C3orf22: variants seen among roughly 807,000 people sequenced by gnomAD.
C3orf22 encodes the protein chromosome 3 open reading frame 22.
In C3orf22, 7 loss-of-function variants were observed where a neutral mutation model predicts 10.8. The ratio of observed to expected loss-of-function variants is 0.65; its 90% CI spans 0.37 to 1.22. C3orf22 has a LOEUF of 1.22. Among genes scored for constraint, C3orf22 ranks in the 50% most tolerant of loss-of-function variants. C3orf22 has a pLI of 0.02. For synonymous variants in C3orf22, 79 were observed against 78.9 expected (o/e 1.00, Z 0.00); for missense variants, 173 against 177.0 (o/e 0.98, Z 0.13).
At chr3:126,546,566 C>T (rs532542399), downstream of C3orf22, among the ~76,000 whole-genome samples, 4 of 152,242 alleles carry the variant, frequency 2.6e-5, no homozygotes, top group East Asian at 1.9e-4. Context: ...TCTCCCTCCC[C>T]GCCTCTCCCT....
At chr3:126,549,683 A>T (rs1937135281), downstream of C3orf22, 2 of 1,525,942 alleles carry the variant, frequency 1.3e-6, no homozygotes, top group Non-Finnish European at 1.8e-6. Flanking sequence ...TGATCATTCC[A>T]GCTGGAAGTG....
At chr3:126,557,105 CACAGACACAT>C (rs1320083947) in intron 1 of C3orf22, among the ~76,000 whole-genome samples, 2 of 152,172 alleles carry the variant, frequency 1.3e-5, no homozygotes, top group Non-Finnish European at 1.5e-5. Flanking sequence ...CACACTCACA[CACAGACACAT>C]ACAGACACTC....
At chr3:126,547,471 G>A (rs1199385952), downstream of C3orf22, among the ~76,000 whole-genome samples, 7 of 152,166 alleles carry the variant, frequency 4.6e-5, no homozygotes, top group South Asian at 8.3e-4. Context: ...TCCTTTAAAC[G>A]CCCAGGAGAG....
intron 1 of C3orf22, among the ~76,000 whole-genome samples, chr3:126,554,247 TTTTG>T (rs1447296824): frequency 7.5e-6 from 1 of 133,850 alleles, no homozygotes; most frequent in African/African-American, 2.7e-5. Context: ...TTTTTGTTTG[TTTTG>T]TTTTTCTGTT....
At chr3:126,528,439 C>T (rs1030133625) in intron 5 of C3orf22, among the ~76,000 whole-genome samples, 2 of 152,064 alleles carry the variant, frequency 1.3e-5, no homozygotes, top group Non-Finnish European at 1.5e-5. Flanking sequence ...GAGCAGTGAA[C>T]CAGGAAGGGT....
intron 4 of C3orf22, among the ~76,000 whole-genome samples, chr3:126,538,233 C>T (rs1481280483): frequency 6.6e-6 from 1 of 152,262 alleles, no homozygotes; most frequent in Non-Finnish European, 1.5e-5. Flanking sequence ...GGTTCAGCAG[C>T]AGCCAGCTGC....
chr3:126,532,695 G>A (rs1056500876), intron 4 of C3orf22, among the ~76,000 whole-genome samples: 1 of 152,234 alleles, frequency 6.6e-6, no homozygotes, highest in African/African-American at 2.4e-5. Flanking sequence ...GTGGTATCAG[G>A]AAATGTGAAT....
At chr3:126,530,172 G>T (rs2101592) in intron 4 of C3orf22, among the ~76,000 whole-genome samples, 38,103 of 152,220 alleles carry the variant, frequency 0.25, 4,885 homozygotes, top group Admixed American at 0.29. Flanking sequence ...CAGGGCCCAG[G>T]CTCCTCGGGG....
chr3:126,539,763 C>A (rs1224847777), intron 4 of C3orf22, among the ~76,000 whole-genome samples: 5 of 106,272 alleles, frequency 4.7e-5, no homozygotes, highest in African/African-American at 1.6e-4. Flanking sequence ...CACTCCACAC[C>A]ACACACACAG....
At chr3:126,555,629 T>C (rs1275197340) in intron 1 of C3orf22, among the ~76,000 whole-genome samples, 1 of 152,092 alleles carries the variant, frequency 6.6e-6, no homozygotes, top group Non-Finnish European at 1.5e-5. Context: ...TGATCTGAGG[T>C]GGAACAGTTT....
intron 1 of C3orf22, among the ~76,000 whole-genome samples, chr3:126,557,160 A>G (rs1280855175): frequency 6.6e-6 from 1 of 151,070 alleles, no homozygotes; most frequent in Non-Finnish European, 1.5e-5. Context: ...CCTCATACAC[A>G]CCCCCACACA....
At chr3:126,556,221 C>T (rs1427534565) in intron 1 of C3orf22, among the ~76,000 whole-genome samples, 2 of 152,168 alleles carry the variant, frequency 1.3e-5, no homozygotes, top group South Asian at 2.1e-4. Flanking sequence ...TGACTCCCTC[C>T]GGCTGCAGAG....
intron 4 of C3orf22, among the ~76,000 whole-genome samples, chr3:126,540,938 A>T (rs765448260): frequency 2.0e-5 from 3 of 152,202 alleles, no homozygotes; most frequent in African/African-American, 4.8e-5. Flanking sequence ...ACTTTCTTTT[A>T]TGAACTCTTA....
At chr3:126,546,050 G>A (rs1042083691), downstream of C3orf22, among the ~76,000 whole-genome samples, 3 of 152,202 alleles carry the variant, frequency 2.0e-5, no homozygotes, top group African/African-American at 7.2e-5. Flanking sequence ...CCAGTGCAAT[G>A]CCATTGGCCT....
At chr3:126,534,927 G>A (rs1408978065) in intron 4 of C3orf22, among the ~76,000 whole-genome samples, 3 of 148,438 alleles carry the variant, frequency 2.0e-5, no homozygotes, top group Middle Eastern at 3.8e-3. Flanking sequence ...GTCCCCAGCC[G>A]GGAGACAGAC....
chr3:126,537,979 G>T (rs1172829288), intron 4 of C3orf22, among the ~76,000 whole-genome samples: 1 of 152,222 alleles, frequency 6.6e-6, no homozygotes, highest in Non-Finnish European at 1.5e-5. Context: ...GGAGCTGTAG[G>T]TGCAGCCCCG....
At chr3:126,541,302 A>C (rs1936951669) in intron 4 of C3orf22, among the ~76,000 whole-genome samples, 1 of 152,196 alleles carries the variant, frequency 6.6e-6, no homozygotes, top group South Asian at 2.1e-4. Context: ...TATTGAGCCA[A>C]AGCAGCCCGA....
intron 4 of C3orf22, among the ~76,000 whole-genome samples, chr3:126,530,919 C>T (rs1936644868): frequency 6.6e-6 from 1 of 152,254 alleles, no homozygotes; most frequent in African/African-American, 2.4e-5. Flanking sequence ...AGGATGTGGC[C>T]TGGGCGCAGA....
At chr3:126,554,688 G>T (rs1937285989) in intron 1 of C3orf22, among the ~76,000 whole-genome samples, 1 of 152,176 alleles carries the variant, frequency 6.6e-6, no homozygotes, top group Non-Finnish European at 1.5e-5. Flanking sequence ...CTTCTCACTG[G>T]TGTGTTTTCA....
Sources: allele counts gnomAD v4.1 joint callset (sites outside exome capture counted in the v4.1 genomes callset), GRCh38; gene constraint gnomAD v4.1.1; transcripts MANE v1.5; gene names NCBI Gene and HGNC (gene_info 2026-07-23, HGNC 2026-07-21).